The following LRRC3B variants were observed in gnomAD, a reference collection of about 807,000 sequenced individuals.
LRRC3B encodes leucine rich repeat containing 3B.
A neutral mutation model predicts 12.8 loss-of-function variants in LRRC3B; 2 were observed. The observed-to-expected ratio is 0.16, with a 90% CI of 0.06 to 0.49. The LOEUF (loss-of-function observed/expected upper bound fraction) is 0.49. Ranked by LOEUF, LRRC3B falls within the 20% of genes least tolerant of loss-of-function variation. The pLI is 0.96. For synonymous variants in LRRC3B, 132 were observed against 122.0 expected (o/e 1.08, Z -0.54); for missense variants, 189 against 319.4 (o/e 0.59, Z 3.11).
chr3:26,636,998 C>CTCTTTCTT (rs1260034376), intron 1 of LRRC3B, among the ~76,000 whole-genome samples: 1 of 128,064 alleles, frequency 7.8e-6, no homozygotes, highest in Non-Finnish European at 1.6e-5. Context: ...CTCTCTTTCT[C>CTCTTTCTT]TCTTTCTTTC....
rs148040125 is a variant in LRRC3B at position 26,665,321 on chromosome 3, T to C, written c.-161+42084T>C. Reference sequence around the variant, plus strand: ...TTAACTTCTAAATCAAACTTCACTTTGCTTGATTGAAAAATCACATTTACT... The same window carrying C: ...TTAACTTCTAAATCAAACTTCACTTCGCTTGATTGAAAAATCACATTTACT... On this transcript the variant is annotated intron_variant, in intron 1 of 1. Coordinates refer to ENST00000396641, the Ensembl canonical transcript of LRRC3B. 5.8e-3 allele frequency among the ~76,000 whole-genome samples: 888 copies of C among 152,242 alleles called. 10 individuals are homozygous for C. Among genetic ancestry groups the C allele is most frequent in the African/African-American group, 0.02 (840 of 41,544 alleles).
intron 1 of LRRC3B, among the ~76,000 whole-genome samples, chr3:26,666,340 TA>T (rs1200718407): frequency 6.6e-5 from 10 of 152,104 alleles, no homozygotes; most frequent in Non-Finnish European, 1.5e-4. Flanking sequence ...ATAAGACAAT[TA>T]TTTTTTTCAG....
At chr3:26,666,651 A>G (rs1390672188) in intron 1 of LRRC3B, among the ~76,000 whole-genome samples, 1 of 152,162 alleles carries the variant, frequency 6.6e-6, no homozygotes, top group African/African-American at 2.4e-5. Flanking sequence ...TGTTGTTCAC[A>G]TATTATTCTG....
intron 1 of LRRC3B, among the ~76,000 whole-genome samples, chr3:26,626,540 C>T (rs1698629749): frequency 1.3e-5 from 2 of 152,038 alleles, no homozygotes. Context: ...GCCTTTTGAC[C>T]CTTGCTCAAA....
chr3:26,648,230 C>T (rs1198508297), intron 1 of LRRC3B, among the ~76,000 whole-genome samples: 1 of 151,746 alleles, frequency 6.6e-6, no homozygotes, highest in Non-Finnish European at 1.5e-5. Context: ...GATTTCAGAA[C>T]TCTCAATCCA....
At chr3:26,623,798 A>T (rs1220018175) in intron 1 of LRRC3B, 1 of 152,056 alleles carries the variant, frequency 6.6e-6, no homozygotes, top group East Asian at 1.9e-4. Flanking sequence ...GCCACCCCCA[A>T]CTCGGCAATG....
chr3:26,653,571 A>T (rs898667446), intron 1 of LRRC3B, among the ~76,000 whole-genome samples: 1 of 123,490 alleles, frequency 8.1e-6, no homozygotes, highest in Non-Finnish European at 1.6e-5. Context: ...CAAAAAGAAG[A>T]ACTCACAGAA....
chr3:26,655,077 C>G (rs1699343353), intron 1 of LRRC3B, among the ~76,000 whole-genome samples: 1 of 152,136 alleles, frequency 6.6e-6, no homozygotes, highest in South Asian at 2.1e-4. Context: ...ATCTGTCTGT[C>G]TGTCCATGAA....
At chr3:26,646,174 T>C (rs1452847502) in intron 1 of LRRC3B, among the ~76,000 whole-genome samples, 1 of 152,230 alleles carries the variant, frequency 6.6e-6, no homozygotes, top group Non-Finnish European at 1.5e-5. Flanking sequence ...CATTTGTTCA[T>C]TCTGATACAT....
At chr3:26,636,751 A>T (rs1041517015) in intron 1 of LRRC3B, among the ~76,000 whole-genome samples, 1 of 151,146 alleles carries the variant, frequency 6.6e-6, no homozygotes, top group East Asian at 2.0e-4. Flanking sequence ...GCCTGGGTTT[A>T]GTGTGGAAAG....
chr3:26,628,549 G>T (rs1263842861), intron 1 of LRRC3B, among the ~76,000 whole-genome samples: 1 of 151,010 alleles, frequency 6.6e-6, no homozygotes, highest in Non-Finnish European at 1.5e-5. Context: ...AATAAATTTT[G>T]TATTCATTTT....
At chr3:26,674,948 A>G (rs1699826997) in intron 1 of LRRC3B, among the ~76,000 whole-genome samples, 2 of 152,188 alleles carry the variant, frequency 1.3e-5, no homozygotes, top group South Asian at 4.1e-4. Flanking sequence ...AAGGATTCCA[A>G]GTAGTTTTAT....
chr3:26,645,627 G>T (rs567492644), intron 1 of LRRC3B, among the ~76,000 whole-genome samples: 1 of 152,012 alleles, frequency 6.6e-6, no homozygotes, highest in Non-Finnish European at 1.5e-5. Context: ...TATGCTTCCG[G>T]CATTGCTCTT....
At chr3:26,671,054 C>G (rs1482658493) in intron 1 of LRRC3B, among the ~76,000 whole-genome samples, 2 of 112,802 alleles carry the variant, frequency 1.8e-5, no homozygotes, top group Admixed American at 1.2e-4. Flanking sequence ...CTCGCTCTGT[C>G]GCCCAGGCTG....
At chr3:26,689,753 T>C (rs1275141394) in intron 1 of LRRC3B, among the ~76,000 whole-genome samples, 1 of 152,236 alleles carries the variant, frequency 6.6e-6, no homozygotes, top group African/African-American at 2.4e-5. Flanking sequence ...CAGATCTTCA[T>C]TGAGCAAACA....
At chr3:26,633,783 C>A (rs1354615531) in intron 1 of LRRC3B, among the ~76,000 whole-genome samples, 1 of 152,150 alleles carries the variant, frequency 6.6e-6, no homozygotes, top group East Asian at 1.9e-4. Context: ...CAGAGGACAT[C>A]TTTGATCAGC....
intron 1 of LRRC3B, among the ~76,000 whole-genome samples, chr3:26,683,673 A>G (rs966677623): frequency 3.3e-5 from 5 of 152,164 alleles, no homozygotes; most frequent in African/African-American, 1.2e-4. Flanking sequence ...TAGAAATACT[A>G]CTTTCTCAAA....
At chr3:26,688,730 C>A (rs972471455) in intron 1 of LRRC3B, among the ~76,000 whole-genome samples, 1 of 152,140 alleles carries the variant, frequency 6.6e-6, no homozygotes, top group Non-Finnish European at 1.5e-5. Flanking sequence ...GTTCCAATCA[C>A]CTCCCACCAG....
chr3:26,697,880 C>A (rs1285419004), intron 1 of LRRC3B, among the ~76,000 whole-genome samples: 2 of 152,152 alleles, frequency 1.3e-5, no homozygotes, highest in Admixed American at 6.5e-5. Flanking sequence ...ATGTTAGCCA[C>A]CATCAGAATT....
Sources: gnomAD v4.1 joint callset for allele counts (sites outside exome capture counted in the v4.1 genomes callset) on GRCh38, gnomAD v4.1.1 for gene constraint, MANE v1.5 for transcripts, NCBI Gene and HGNC (gene_info 2026-07-23, HGNC 2026-07-21) for gene names.